The following XDH variants were observed in gnomAD, a reference collection of about 807,000 sequenced individuals.
XDH encodes xanthine dehydrogenase.
In XDH, 138 loss-of-function variants were observed where a neutral mutation model predicts 156.1. The ratio of observed to expected loss-of-function variants is 0.88; its 90% confidence interval spans 0.77 to 1.02. XDH has a LOEUF of 1.02. XDH is among the 50% of genes least tolerant of loss of function. The pLI, the probability that XDH is intolerant of heterozygous loss-of-function variation, is 0.00. For missense variants in XDH, 1,849 were observed against 1,684.9 expected (o/e 1.10, Z -1.71); for synonymous variants, 669 against 625.7 (o/e 1.07, Z -1.03).
chr2:31,357,841 T>C (rs944271554), intron 24 of XDH, among the ~76,000 whole-genome samples: 1 of 152,106 alleles, frequency 6.6e-6, no homozygotes, highest in Non-Finnish European at 1.5e-5. Flanking sequence ...TATATACAAC[T>C]ACTATGTACC....
chr2:31,368,715 T>C, intron 18 of XDH, 55 bp from the exon 19 acceptor site: 2 of 1,614,080 alleles, frequency 1.2e-6, no homozygotes, highest in East Asian at 2.2e-5. Flanking sequence ...GTGAAACAAA[T>C]TATTTTTGGA....
At chr2:31,343,390 TG>T in intron 31 of XDH, among the ~76,000 whole-genome samples, 1 of 143,446 alleles carries the variant, frequency 7.0e-6, no homozygotes, top group Non-Finnish European at 1.5e-5. Flanking sequence ...TACATATATA[TG>T]AGCCACATAT....
At chr2:31,377,776 C>T (rs760304702) in intron 13 of XDH, among the ~76,000 whole-genome samples, 1 of 151,728 alleles carries the variant, frequency 6.6e-6, no homozygotes, top group Non-Finnish European at 1.5e-5. Flanking sequence ...CGTCTGTAAT[C>T]CCAGAGGCCT....
At chr2:31,345,819 T>C (rs1221155793) in intron 30 of XDH, among the ~76,000 whole-genome samples, 2 of 152,222 alleles carry the variant, frequency 1.3e-5, no homozygotes, top group Non-Finnish European at 2.9e-5. Flanking sequence ...TGGCTGGTGG[T>C]TGAAGACAAA....
chr2:31,355,964 G>C (rs980505862), intron 24 of XDH, among the ~76,000 whole-genome samples: 4 of 152,144 alleles, frequency 2.6e-5, no homozygotes. Context: ...AAGAAAGCAA[G>C]AGTGGCTTTA....
At chr2:31,386,980 G>C (rs1450205554) in intron 8 of XDH, among the ~76,000 whole-genome samples, 1 of 92,056 alleles carries the variant, frequency 1.1e-5, no homozygotes, top group Non-Finnish European at 2.3e-5. Context: ...GGGAGGGAGG[G>C]AGGGAAGAAA....
intron 9 of XDH, chr2:31,384,341 C>A (rs1410660873): frequency 5.9e-6 from 1 of 170,898 alleles, no homozygotes; most frequent in East Asian, 1.5e-4. Context: ...CTAAGAATAA[C>A]CAAATTTCAG....
At chr2:31,342,369 T>C in intron 31 of XDH, 72 bp from the exon 32 acceptor site, 2 of 1,322,990 alleles carry the variant, frequency 1.5e-6, no homozygotes, top group Non-Finnish European at 2.2e-6. Flanking sequence ...CACGTACAGC[T>C]TGACCCACAA....
chr2:31,405,313 G>A (rs926564378), intron 2 of XDH, among the ~76,000 whole-genome samples: 1 of 152,018 alleles, frequency 6.6e-6, no homozygotes, highest in Non-Finnish European at 1.5e-5. Context: ...GAATACTTCC[G>A]ATACTCAGAA....
chr2:31,384,774 T>C (rs1441811906), intron 9 of XDH, among the ~76,000 whole-genome samples: 3 of 152,192 alleles, frequency 2.0e-5, no homozygotes, highest in African/African-American at 7.2e-5. Context: ...TCAGAAATCC[T>C]AGAAGCACCT....
At chr2:31,409,610 C>T (rs1295517705) in intron 1 of XDH, among the ~76,000 whole-genome samples, 3 of 152,082 alleles carry the variant, frequency 2.0e-5, no homozygotes, top group Non-Finnish European at 2.9e-5. Flanking sequence ...AGACATTTCT[C>T]CAAAGATCTA....
chr2:31,368,741 A>G (rs950705325), intron 18 of XDH, 81 bp from the exon 19 acceptor site: 79 of 1,612,378 alleles, frequency 4.9e-5, no homozygotes, highest in Non-Finnish European at 6.2e-5. Flanking sequence ...CAAAAAGCCA[A>G]AAGAAGTCCC....
At chr2:31,373,264 C>A (rs1686127069) in intron 16 of XDH, among the ~76,000 whole-genome samples, 2 of 152,160 alleles carry the variant, frequency 1.3e-5, no homozygotes, top group Admixed American at 1.3e-4. Flanking sequence ...AGAGTTCATG[C>A]CTGGGACGAC....
chr2:31,413,072 C>A (rs1027068006), intron 1 of XDH, among the ~76,000 whole-genome samples: 1 of 152,180 alleles, frequency 6.6e-6, no homozygotes, highest in African/African-American at 2.4e-5. Flanking sequence ...AACAGCAAGC[C>A]ATCCCTGAAG....
chr2:31,375,640 C>A (rs968372381), intron 14 of XDH, 86 bp from the exon 15 acceptor site: 3 of 1,480,788 alleles, frequency 2.0e-6, no homozygotes, highest in Non-Finnish European at 2.7e-6. Flanking sequence ...GGCCTCGGAG[C>A]TGTACAAAGC....
At chr2:31,358,064 T>C (rs779952654) in intron 24 of XDH, among the ~76,000 whole-genome samples, 6 of 152,052 alleles carry the variant, frequency 3.9e-5, no homozygotes, top group Non-Finnish European at 8.8e-5. Context: ...TATCCAGGAA[T>C]TGAACTCAGC....
In XDH at chr2:31,375,477, C is replaced by T; in HGVS notation, c.1505G>A (p.Gly502Asp). ...EELHLPPDAP[G>D]GMVDFRCTLT... ...GGTGCACCGGAAGTCCACCATGCCA[C>T]CAGGGGCATCGGGAGGCAGATGCAG... Residue 502 changes from glycine to aspartate, a missense_variant, in exon 15 of 36, where the codon GGT becomes GAT. Gly to Asp is a moderately conservative substitution (Grantham distance 94). Transcript: ENST00000379416. 2.5e-6 allele frequency: 4 copies of T among 1,614,180 alleles called. No homozygotes were observed. The highest frequency in any genetic ancestry group is 3.4e-6 in the Non-Finnish European group (4 of 1,180,046).
rs1687100805 is a variant in XDH, at chr2:31,402,956, T to C, written c.197+92A>G. 1.1e-5 allele frequency: 15 copies of C among 1,383,640 alleles called. No homozygotes were observed. The South Asian group carries it at 1.4e-4, about 13-fold the overall frequency. The allele number at this position is 1,383,640 out of a possible 1,614,324, so 85.7% of individuals were successfully genotyped here. ...AAACAGGGGCTCACACATGCGCACA[T>C]GCACATACACACATACACTCATGCA... On this transcript the variant is annotated intron_variant, in intron 3 of 35. Coordinates refer to ENST00000379416, the MANE Select transcript of XDH (RefSeq NM_000379.4).
rs1474093692 is a variant in XDH at position 31,379,985 on chromosome 2, A to C, written c.1133-9T>G. 3.1e-6 allele frequency: 5 copies of C among 1,613,584 alleles called. No individual in the cohort carries two copies. Among genetic ancestry groups the C allele is most frequent in the Non-Finnish European group, 4.2e-6 (5 of 1,179,820 alleles). On this transcript the variant is annotated splice_polypyrimidine_tract_variant and intron_variant, in intron 12 of 35. Coordinates refer to ENST00000379416, the MANE Select transcript of XDH (RefSeq NM_000379.4). Reference sequence around the variant, plus strand: ...GACAGTTCTCCTGGTGCCTGTACAGAAGCAAGATGAAGAGGAGCCAAAGTG... The same window carrying C: ...GACAGTTCTCCTGGTGCCTGTACAGCAGCAAGATGAAGAGGAGCCAAAGTG...
Sources: gnomAD v4.1 joint callset for allele counts (sites outside exome capture counted in the v4.1 genomes callset) on GRCh38, gnomAD v4.1.1 for gene constraint, MANE v1.5 for transcripts, NCBI Gene and HGNC (gene_info 2026-07-23, HGNC 2026-07-21) for gene names.